WBP4: variants seen among roughly 807,000 people sequenced by gnomAD.
The protein encoded by WBP4 is WW domain-binding protein 4.
A neutral mutation model predicts 55.4 loss-of-function variants in WBP4; 37 were observed. That is an observed-to-expected ratio of 0.67 (90% CI 0.51 to 0.88). The LOEUF (loss-of-function observed/expected upper bound fraction) is 0.88. Among genes scored for constraint, WBP4 ranks in the 40% least tolerant of loss-of-function variants. The pLI is 0.00. For synonymous variants in WBP4, 142 were observed against 140.2 expected, an observed-to-expected ratio of 1.01 and a Z score of -0.09; for missense variants, 398 against 420.8, an observed-to-expected ratio of 0.95 and a Z score of 0.47.
chr13:41,071,439 A>C (rs565511683), intron 5 of WBP4, 88 bp from the exon 6 acceptor site: 1 of 1,077,828 alleles, frequency 9.3e-7, no homozygotes, highest in Non-Finnish European at 1.4e-6. Context: ...TGTTTTGTAC[A>C]TAATGACTGT....
At chr13:41,065,367 C>A in intron 4 of WBP4, 80 bp downstream of exon 4, 1 of 1,470,204 alleles carries the variant, frequency 6.8e-7, no homozygotes, top group Non-Finnish European at 8.9e-7. Flanking sequence ...GCTTTGATTG[C>A]TTCCATAAAG....
intron 6 of WBP4, 94 bp downstream of exon 6, chr13:41,071,667 C>A: frequency 1.8e-6 from 2 of 1,142,238 alleles, no homozygotes; most frequent in Non-Finnish European, 2.6e-6. Flanking sequence ...ACTTTATTTA[C>A]AAATACTCCA....
intron 5 of WBP4, among the ~76,000 whole-genome samples, chr13:41,069,797 G>A (rs1288165168): frequency 6.8e-6 from 1 of 147,070 alleles, no homozygotes. Flanking sequence ...AGAATCAATT[G>A]AACCCAGGAG....
In WBP4 at chr13:41,061,684, G is replaced by C; in HGVS notation, c.2+9G>C. ...GCGGCTGGCGCAGTCATGTGAGTTG[G>C]GTCTCAGGCCCTGAACAACGAGGTG... On this transcript the variant is annotated intron_variant, in intron 1 of 9. Coordinates refer to ENST00000379487, the MANE Select transcript of WBP4 (RefSeq NM_007187.5). The C allele has an allele frequency of 6.2e-7, 1 of 1,614,056 alleles. No homozygotes were observed. The highest frequency in any genetic ancestry group is 8.5e-7 in the Non-Finnish European group (1 of 1,180,024).
chr13:41,062,362 T>A, intron 1 of WBP4: 1 of 899,994 alleles, frequency 1.1e-6, no homozygotes, highest in Admixed American at 6.2e-5. Context: ...AAGATGTTCC[T>A]TAGTTTTTCA....
At chr13:41,082,643 G>T in intron 9 of WBP4, 61 bp from the exon 10 acceptor site, 1 of 1,505,378 alleles carries the variant, frequency 6.6e-7, no homozygotes, top group Non-Finnish European at 9.2e-7. Context: ...TGGGGCATTG[G>T]TTATATGAAA....
chr13:41,076,089 A>G lies in WBP4; in HGVS notation c.608A>G (p.Asp203Gly), dbSNP rs746805512. The change falls in exon 8 of 10, where the codon GAT becomes GGT. Residue 203 changes from aspartate (D) to glycine (G), a missense_variant. Physicochemically the swap from Asp to Gly is moderately conservative, Grantham distance 94. Transcript: ENST00000379487. ...GATGATTTCATTCCACACACTAGTG[A>G]TCTGCCTTCTAGTAAGGTCAATGAA... ...KPDDFIPHTS[D>G]LPSSKVNENS... 2 of 1,613,716 alleles carry G rather than the reference A, an allele frequency of 1.2e-6. No individual in the cohort carries two copies. Among genetic ancestry groups the G allele is most frequent in the Non-Finnish European group, 1.7e-6 (2 of 1,179,958 alleles).
Position 41,072,820 on chromosome 13 carries a change from A to G in WBP4, c.525A>G (p.Glu175=), listed in dbSNP as rs1232982739. 1.2e-6 allele frequency: 2 copies of G among 1,613,708 alleles called. No homozygotes were observed. Among genetic ancestry groups the G allele is most frequent in the South Asian group, 2.2e-5 (2 of 91,048 alleles). Residue 175 remains glutamate, a synonymous_variant, in exon 7 of 10, where the codon GAA becomes GAG. Coordinates refer to ENST00000379487, the MANE Select transcript of WBP4 (RefSeq NM_007187.5). ...CCGTTTGGGTAGAAGGTTTAAGTGA[A>G]GATGGTTTTACCTATTACTATAATA... ...VKTVWVEGLS[E]DGFTYYYNTE... is the part of the protein sequence containing the mutation.
At chr13:41,061,962 C>T (rs758422949) in intron 1 of WBP4, 2 of 894,268 alleles carry the variant, frequency 2.2e-6, no homozygotes, top group African/African-American at 1.8e-5. Flanking sequence ...GCAGTGCTCT[C>T]TCTACGACGC....
intron 1 of WBP4, chr13:41,062,139 A>G: frequency 1.1e-6 from 1 of 943,398 alleles, no homozygotes; most frequent in Non-Finnish European, 1.2e-6. Context: ...GCCGTCTACG[A>G]AGTCCCATGG....
At chr13:41,071,910 C>G (rs936738450) in intron 6 of WBP4, among the ~76,000 whole-genome samples, 1 of 151,914 alleles carries the variant, frequency 6.6e-6, no homozygotes, top group Non-Finnish European at 1.5e-5. Flanking sequence ...CAGGCGCAGT[C>G]GCAGTTGCCT....
chr13:41,078,617 C>G (rs902621358), intron 8 of WBP4, among the ~76,000 whole-genome samples: 1 of 152,102 alleles, frequency 6.6e-6, no homozygotes, highest in African/African-American at 2.4e-5. Context: ...CACCTGAGGT[C>G]GAGAGTTAAA....
chr13:41,069,121 C>T (rs1878116377), intron 5 of WBP4, among the ~76,000 whole-genome samples: 1 of 152,104 alleles, frequency 6.6e-6, no homozygotes, highest in Admixed American at 6.5e-5. Flanking sequence ...AGATTTTCTT[C>T]TGGGAGCCAG....
At chr13:41,061,991 C>A (rs528438834) in intron 1 of WBP4, 2 of 958,226 alleles carry the variant, frequency 2.1e-6, no homozygotes, top group South Asian at 9.6e-5. Flanking sequence ...GTCGCATGCA[C>A]CCCTTGGGTT....
chr13:41,072,714 T>C, intron 6 of WBP4, 68 bp from the exon 7 acceptor site: 1 of 1,431,554 alleles, frequency 7.0e-7, no homozygotes, highest in Non-Finnish European at 9.7e-7. Flanking sequence ...GGTGGCTGAC[T>C]GTCTGAGTTA....
At chr13:41,063,556 C>T (rs1877808132) in intron 2 of WBP4, among the ~76,000 whole-genome samples, 2 of 151,878 alleles carry the variant, frequency 1.3e-5, no homozygotes, top group Non-Finnish European at 2.9e-5. Context: ...TAAATAAATA[C>T]CATGAATTTT....
intron 8 of WBP4, among the ~76,000 whole-genome samples, chr13:41,079,612 TAC>T (rs1878674913): frequency 6.6e-6 from 1 of 150,740 alleles, no homozygotes; most frequent in South Asian, 2.1e-4. Flanking sequence ...GAAACACTTA[TAC>T]ACTTACTGAG....
rs1481837867 is a variant in WBP4, at chr13:41,061,629, G to A, written c.-45G>A. 1.2e-6 allele frequency: 2 copies of A among 1,614,108 alleles called. No individual in the cohort carries two copies. The highest frequency in any genetic ancestry group is 1.7e-6 in the Non-Finnish European group (2 of 1,180,024). ...GACTCGTCCCGCTGGGAAAGCGCGAGTCTGAGTGGAACCCTGGACGACTTG... is the reference window on the plus strand; with the variant it reads ...GACTCGTCCCGCTGGGAAAGCGCGAATCTGAGTGGAACCCTGGACGACTTG... On this transcript the variant is annotated 5_prime_UTR_variant, in exon 1 of 10. Coordinates refer to ENST00000379487, the MANE Select transcript of WBP4 (RefSeq NM_007187.5).
intron 8 of WBP4, 95 bp from the exon 9 acceptor site, chr13:41,080,551 A>G: frequency 3.3e-6 from 3 of 922,238 alleles, no homozygotes; most frequent in Non-Finnish European, 4.8e-6. Context: ...ATTATTGTTT[A>G]TAAATCTATA....
Sources: allele counts gnomAD v4.1 joint callset (sites outside exome capture counted in the v4.1 genomes callset), GRCh38; gene constraint gnomAD v4.1.1; transcripts MANE v1.5; gene names NCBI Gene and HGNC (gene_info 2026-07-23, HGNC 2026-07-21).